CLASP1: variants seen among roughly 807,000 people sequenced by gnomAD.
CLASP1 encodes the protein CLIP-associating protein 1.
In CLASP1, 38 loss-of-function variants were observed where a neutral mutation model predicts 192.3. The observed-to-expected ratio is 0.20, with a 90% CI of 0.15 to 0.26. CLASP1 has a LOEUF of 0.26. CLASP1 is among the 10% of genes least tolerant of loss of function. The pLI is 1.00. For synonymous variants in CLASP1, 691 were observed against 712.8 expected (o/e 0.97, Z 0.49); for missense variants, 1,433 against 1,932.5 (o/e 0.74, Z 4.85).
intron 2 of CLASP1, among the ~76,000 whole-genome samples, chr2:121,597,098 C>T (rs895482796): frequency 6.6e-6 from 1 of 152,144 alleles, no homozygotes; most frequent in African/African-American, 2.4e-5. Flanking sequence ...GCAACTGGCA[C>T]ATCATACGTG....
At chr2:121,614,974 T>C (rs919293432) in intron 1 of CLASP1, among the ~76,000 whole-genome samples, 2 of 152,228 alleles carry the variant, frequency 1.3e-5, no homozygotes, top group Non-Finnish European at 2.9e-5. Context: ...AGGCTTGGAA[T>C]GACCAAGTCA....
intron 8 of CLASP1, among the ~76,000 whole-genome samples, chr2:121,500,344 A>AAAAGAAAGAAAGAAAGAAAG (rs201022141): frequency 1.3e-4 from 15 of 119,310 alleles, no homozygotes; most frequent in East Asian, 7.4e-4. Context: ...GAAAGAAAGA[A>AAAAGAAAGAAAGAAAGAAAG]AAAGAAAGAA....
At chr2:121,471,509 T>C (rs1250838403) in intron 8 of CLASP1, among the ~76,000 whole-genome samples, 1 of 152,036 alleles carries the variant, frequency 6.6e-6, no homozygotes, top group Non-Finnish European at 1.5e-5. Context: ...AATAAATCAT[T>C]GCTATCCAAA....
chr2:121,612,802 G>A (rs2065831033), intron 1 of CLASP1, among the ~76,000 whole-genome samples: 1 of 152,182 alleles, frequency 6.6e-6, no homozygotes, highest in South Asian at 2.1e-4. Flanking sequence ...ACAGGACTCA[G>A]CCCTTGCCTG....
intron 2 of CLASP1, among the ~76,000 whole-genome samples, chr2:121,547,642 T>C (rs1013565129): frequency 4.6e-5 from 7 of 152,128 alleles, no homozygotes; most frequent in African/African-American, 1.7e-4. Context: ...AATGCCAAGC[T>C]GCGATCTATA....
chr2:121,607,027 G>A (rs1458223533), intron 1 of CLASP1, among the ~76,000 whole-genome samples: 4 of 152,072 alleles, frequency 2.6e-5, no homozygotes. Flanking sequence ...CTGTACTCCA[G>A]CCTGGGCGAC....
At chr2:121,573,561 C>T (rs115238772) in intron 2 of CLASP1, among the ~76,000 whole-genome samples, 2,923 of 152,258 alleles carry the variant, frequency 0.019, 26 homozygotes, top group Middle Eastern at 0.051. Context: ...GTTCCTATTA[C>T]CCTGTCACTT....
At chr2:121,635,583 G>C (rs1250093620) in intron 1 of CLASP1, among the ~76,000 whole-genome samples, 1 of 152,168 alleles carries the variant, frequency 6.6e-6, no homozygotes, top group Non-Finnish European at 1.5e-5. Flanking sequence ...AGAGAGGTCT[G>C]ATCTCTTAGG....
chr2:121,644,727 G>A (rs573327690), intron 1 of CLASP1, among the ~76,000 whole-genome samples: 5 of 152,246 alleles, frequency 3.3e-5, no homozygotes, highest in African/African-American at 7.2e-5. Context: ...AGGATCACTT[G>A]AGCCCAGCAG....
intron 2 of CLASP1, among the ~76,000 whole-genome samples, chr2:121,594,521 T>C (rs2062881667): frequency 1.3e-5 from 2 of 150,994 alleles, no homozygotes; most frequent in African/African-American, 4.9e-5. Context: ...GCCTCCCGAG[T>C]AGCTGGGACT....
At chr2:121,485,143 C>T (rs1291541589) in intron 8 of CLASP1, among the ~76,000 whole-genome samples, 1 of 152,172 alleles carries the variant, frequency 6.6e-6, no homozygotes, top group Non-Finnish European at 1.5e-5. Context: ...GGCATAACCT[C>T]ATCTACATGG....
chr2:121,425,074 T>C, intron 22 of CLASP1, 65 bp downstream of exon 22: 1 of 1,448,238 alleles, frequency 6.9e-7, no homozygotes, highest in Admixed American at 2.2e-5. Flanking sequence ...GACATAGTCA[T>C]TAGATTATAA....
At chr2:121,462,852 A>G (rs1301007176) in intron 9 of CLASP1, among the ~76,000 whole-genome samples, 1 of 152,172 alleles carries the variant, frequency 6.6e-6, no homozygotes, top group Non-Finnish European at 1.5e-5. Flanking sequence ...TACCTGTTTA[A>G]GCAGGGAGGG....
At position 121,623,733 on chromosome 2, in the gene CLASP1, A is replaced by C. The variant is rs1449887360; in HGVS notation, c.-285-17553T>G. 2.6e-5 allele frequency among the ~76,000 whole-genome samples: 4 copies of C among 152,106 alleles called. No individual in the cohort carries two copies. The South Asian group carries it at 8.3e-4, about 32-fold the overall frequency. ...CTTTATTGGTCTATTTAGATTTTCT[A>C]TTTCTTTGGGAGGTTGAGGCAGGAG... On this transcript the variant is annotated intron_variant, in intron 1 of 39. Transcript: ENST00000263710.
chr2:121,527,866 C>T, exon 5 of CLASP1: 1 of 1,613,912 alleles, frequency 6.2e-7, no homozygotes, highest in Non-Finnish European at 8.5e-7. Context: ...TGTTTGAAGC[C>T]TCCAAGCATT....
intron 2 of CLASP1, among the ~76,000 whole-genome samples, chr2:121,534,163 C>G (rs2094975343): frequency 6.6e-6 from 1 of 152,226 alleles, no homozygotes; most frequent in Non-Finnish European, 1.5e-5. Flanking sequence ...CATTTATACA[C>G]TGGGAAAGGG....
chr2:121,479,060 A>C (rs868854116), intron 8 of CLASP1, among the ~76,000 whole-genome samples: 2,080 of 69,558 alleles, frequency 0.03, 213 homozygotes, highest in Non-Finnish European at 0.045. Context: ...CCCCCCCCAC[A>C]CACACACACA....
intron 1 of CLASP1, among the ~76,000 whole-genome samples, chr2:121,632,782 G>C (rs2069962121): frequency 6.6e-6 from 1 of 151,768 alleles, no homozygotes; most frequent in South Asian, 2.1e-4. Context: ...TGTAATCCTA[G>C]CTACTAGGGA....
In CLASP1 at chr2:121,547,120, C is replaced by T. The variant is rs976752744; in HGVS notation, c.196-16795G>A. ...GCAGCCCTACAGAAAAGTGGCCAGA[C>T]GGTTATGTGGGTACCCATTCCCACA... is the stretch of plus-strand genomic sequence containing the variant. On this transcript the variant is annotated intron_variant, in intron 2 of 39. Transcript: ENST00000263710. 7.2e-5 allele frequency among the ~76,000 whole-genome samples: 11 copies of T among 152,280 alleles called. No individual in the cohort carries two copies. In the East Asian group the frequency reaches 7.7e-4, roughly 11 times the overall value.
Sources: allele counts gnomAD v4.1 joint callset (sites outside exome capture counted in the v4.1 genomes callset), GRCh38; gene constraint gnomAD v4.1.1; transcripts MANE v1.5; gene names NCBI Gene and HGNC (gene_info 2026-07-23, HGNC 2026-07-21).